Variants in SLCO1B1 observed in about 807,000 individuals in gnomAD.
The protein encoded by SLCO1B1 is solute carrier organic anion transporter family member 1B1, also known as OATP-2.
A neutral mutation model predicts 70.1 loss-of-function variants in SLCO1B1; 81 were observed. The ratio of observed to expected loss-of-function variants is 1.16; its 90% CI spans 0.97 to 1.39. SLCO1B1 has a LOEUF of 1.39. Among genes scored for constraint, SLCO1B1 ranks in the 40% most tolerant of loss-of-function variants. SLCO1B1 has a pLI of 0.00. For missense variants in SLCO1B1, 895 were observed against 799.6 expected (o/e 1.12, Z -1.44); for synonymous variants, 283 against 271.5 (o/e 1.04, Z -0.42).
Position 21,137,957 on chromosome 12 carries a change from T to A in SLCO1B1, c.-61-3557T>A, listed in dbSNP as rs1445195490. Reference sequence around the variant, plus strand: ...TGCTGGGAGCTGTAGACCAGAGCTGTTCCTATTTGGCCATCTTGGCTCCTC... The same window carrying A: ...TGCTGGGAGCTGTAGACCAGAGCTGATCCTATTTGGCCATCTTGGCTCCTC... On this transcript the variant is annotated intron_variant, in intron 1 of 14. Coordinates refer to ENST00000256958, the MANE Select transcript of SLCO1B1 (RefSeq NM_006446.5). Among the ~76,000 whole-genome samples the A allele has an allele frequency of 2.0e-5, 3 of 152,222 alleles. No homozygotes were observed. The East Asian group carries it at 5.8e-4, about 29-fold the overall frequency.
chr12:21,160,616 G>A (rs1214681488), intron 2 of SLCO1B1, among the ~76,000 whole-genome samples: 1 of 151,966 alleles, frequency 6.6e-6, no homozygotes, highest in Non-Finnish European at 1.5e-5. Flanking sequence ...AAGATTTCAT[G>A]ACAAATGACA....
At position 21,224,767 on chromosome 12, in the gene SLCO1B1, C is replaced by G. The variant is rs201861991; in HGVS notation, c.1793C>G (p.Thr598Arg). 1 of 1,612,226 alleles carries G rather than the reference C, an allele frequency of 6.2e-7. No homozygotes were observed. Reference protein sequence around the residue: ...PIYFGALIDTTCIKWSTNNCG... With the variant: ...PIYFGALIDTRCIKWSTNNCG... ...TATTTTGGGGCTCTGATTGATACAA[C>G]GTGTATAAAGTGGTCCACCAACAAC... Residue 598 changes from threonine to arginine, a missense_variant, in exon 14 of 15, where the codon ACG becomes AGG. Coordinates refer to ENST00000256958, the MANE Select transcript of SLCO1B1 (RefSeq NM_006446.5).
chr12:21,181,787 A>G (rs982665281), intron 7 of SLCO1B1, among the ~76,000 whole-genome samples: 1 of 152,128 alleles, frequency 6.6e-6, no homozygotes, highest in African/African-American at 2.4e-5. Flanking sequence ...TTCAATAAAT[A>G]TATTGAAAAA....
intron 8 of SLCO1B1, among the ~76,000 whole-genome samples, chr12:21,197,761 A>T (rs1378086378): frequency 6.6e-6 from 1 of 152,130 alleles, no homozygotes; most frequent in Non-Finnish European, 1.5e-5. Context: ...TTATTTTGGT[A>T]ATTATCTATC....
intron 5 of SLCO1B1, among the ~76,000 whole-genome samples, chr12:21,178,326 G>A (rs889378660): frequency 2.6e-5 from 4 of 152,056 alleles, no homozygotes; most frequent in Admixed American, 2.6e-4. Context: ...AGGCCCCCCA[G>A]CCATGAGGAA....
At chr12:21,199,854 T>G (rs560752764) in intron 8 of SLCO1B1, among the ~76,000 whole-genome samples, 1 of 152,026 alleles carries the variant, frequency 6.6e-6, no homozygotes, top group South Asian at 2.1e-4. Flanking sequence ...TAGGCTGGAG[T>G]GCAGTGTCAC....
Position 21,154,313 on chromosome 12 carries a change from G to A in SLCO1B1, c.84+12655G>A, listed in dbSNP as rs79240024. On this transcript the variant is annotated intron_variant, in intron 2 of 14. Coordinates refer to ENST00000256958, the MANE Select transcript of SLCO1B1 (RefSeq NM_006446.5). ...GGTAGAGTCCTCATGAACAAAATTAGTGTCCTTATGAAAGAGACCCAATAG... is the reference window on the plus strand; with the variant it reads ...GGTAGAGTCCTCATGAACAAAATTAATGTCCTTATGAAAGAGACCCAATAG... Among the ~76,000 whole-genome samples the A allele has an allele frequency of 8.5e-3, 1,293 of 152,108 alleles. 21 individuals are homozygous for A. Among genetic ancestry groups the A allele is most frequent in the African/African-American group, 0.029 (1,224 of 41,506 alleles).
intron 2 of SLCO1B1, 46 bp downstream of exon 2, chr12:21,141,704 A>C (rs772668636): frequency 8.4e-7 from 1 of 1,194,462 alleles, no homozygotes; most frequent in Admixed American, 1.8e-5. Context: ...TAAATAGGGA[A>C]CTTTAATGTA....
At chr12:21,218,046 G>C (rs1274909517) in intron 12 of SLCO1B1, among the ~76,000 whole-genome samples, 5 of 152,136 alleles carry the variant, frequency 3.3e-5, no homozygotes, top group African/African-American at 1.2e-4. Flanking sequence ...GAGGTGGGGG[G>C]CTGTGAAGAA....
At chr12:21,238,428 T>G (rs973119048) in intron 14 of SLCO1B1, among the ~76,000 whole-genome samples, 1 of 152,190 alleles carries the variant, frequency 6.6e-6, no homozygotes, top group Non-Finnish European at 1.5e-5. Flanking sequence ...GTCCCGGACA[T>G]ATCTAGGTCT....
chr12:21,182,889 T>G (rs1169729195), intron 7 of SLCO1B1, among the ~76,000 whole-genome samples: 1 of 152,196 alleles, frequency 6.6e-6, no homozygotes, highest in Non-Finnish European at 1.5e-5. Flanking sequence ...CCTCATTTCA[T>G]AGGCCCAGTC....
At chr12:21,178,784 A>T in intron 6 of SLCO1B1, 62 bp downstream of exon 6, 1 of 1,474,824 alleles carries the variant, frequency 6.8e-7, no homozygotes, top group African/African-American at 1.4e-5. Context: ...TTGAAATAGT[A>T]GAGTTACTAA....
chr12:21,208,696 A>C (rs1055130241), intron 11 of SLCO1B1, among the ~76,000 whole-genome samples: 1 of 152,068 alleles, frequency 6.6e-6, no homozygotes, highest in Non-Finnish European at 1.5e-5. Context: ...ATACCATTGA[A>C]TCTGTAGATT....
chr12:21,214,239 C>T (rs9669752), intron 11 of SLCO1B1, among the ~76,000 whole-genome samples: 8,827 of 151,552 alleles, frequency 0.058, 302 homozygotes, highest in African/African-American at 0.084. Context: ...GATGGGTTTT[C>T]GGTGTGGATG....
Position 21,200,721 on chromosome 12 carries a change from A to C in SLCO1B1, c.1135+49A>C, listed in dbSNP as rs767405369. 2.7e-6 allele frequency: 4 copies of C among 1,483,758 alleles called. No homozygotes were observed. In the South Asian group the frequency reaches 4.7e-5, roughly 17 times the overall value. 91.9% of individuals were successfully genotyped at this position (1,483,758 alleles called of 1,614,324 possible). ...TGCTTAATAAGTGAAATAATACTAA[A>C]TACTGTATTCCAAGTGGTATTTTAT... On this transcript the variant is annotated intron_variant, in intron 9 of 14. Coordinates refer to ENST00000256958, the MANE Select transcript of SLCO1B1 (RefSeq NM_006446.5).
At chr12:21,199,813 G>C (rs1941135214) in intron 8 of SLCO1B1, among the ~76,000 whole-genome samples, 1 of 151,942 alleles carries the variant, frequency 6.6e-6, no homozygotes, top group African/African-American at 2.4e-5. Context: ...TTGTTTGTTT[G>C]TTTGAGATGG....
At chr12:21,165,949 C>T (rs1940679378) in intron 2 of SLCO1B1, among the ~76,000 whole-genome samples, 1 of 151,468 alleles carries the variant, frequency 6.6e-6, no homozygotes, top group Non-Finnish European at 1.5e-5. Context: ...GCAGTTAGAA[C>T]ACAGAATCCG....
rs55687335 is a variant in SLCO1B1 at position 21,173,771 on chromosome 12, C to CTTTTT, written c.227-791_227-787dup. On this transcript the variant is annotated intron_variant, in intron 3 of 14. Transcript: ENST00000256958. ...CCAGATGGATTAGAAGTGGTCATGA[C>CTTTTT]TTTTTTTTTTTTTTTTTTTGAGACG... Among the ~76,000 whole-genome samples the CTTTTT allele has an allele frequency of 8.7e-5, 10 of 115,044 alleles. 1 individual carries two copies. The highest frequency in any genetic ancestry group is 2.7e-4 in the South Asian group (1 of 3,724). The allele number at this position is 115,044 out of a possible 152,430, so 75.5% of individuals were successfully genotyped here. A position where few individuals can be genotyped will look rare whatever the true frequency, so the allele number is the denominator to read the frequency against.
At chr12:21,141,765 A>C (rs1202849131) in intron 2 of SLCO1B1, 107 bp downstream of exon 2, 1 of 655,746 alleles carries the variant, frequency 1.5e-6, no homozygotes, top group Non-Finnish European at 2.7e-6. Flanking sequence ...TATAATTTTC[A>C]ATTGAAGCAT....
Sources: gnomAD v4.1 joint callset for allele counts (sites outside exome capture counted in the v4.1 genomes callset) on GRCh38, gnomAD v4.1.1 for gene constraint, MANE v1.5 for transcripts, NCBI Gene and HGNC (gene_info 2026-07-23, HGNC 2026-07-21) for gene names.